Variants in BIRC6 observed in about 807,000 individuals in gnomAD.
BIRC6 encodes the protein baculoviral IAP repeat containing 6.
A neutral mutation model predicts 503.3 loss-of-function variants in BIRC6; 98 were observed. The ratio of observed to expected loss-of-function variants is 0.19; its 90% CI spans 0.17 to 0.23. BIRC6 has a LOEUF of 0.23. Among genes scored for constraint, BIRC6 ranks in the 10% least tolerant of loss-of-function variants. The probability of loss-of-function intolerance (pLI) is 1.00; values close to 1 mark genes in which losing one functional copy is unlikely to be tolerated. For synonymous variants in BIRC6, 2,240 were observed against 2,078.7 expected, an observed-to-expected ratio of 1.08 and a Z score of -2.11; for missense variants, 5,360 against 5,806.0, an observed-to-expected ratio of 0.92 and a Z score of 2.50.
intron 10 of BIRC6, among the ~76,000 whole-genome samples, chr2:32,418,360 C>A (rs1405880814): frequency 6.6e-6 from 1 of 152,086 alleles, no homozygotes; most frequent in Non-Finnish European, 1.5e-5. Context: ...TTATTGTCTC[C>A]GTTTTGTACA....
intron 22 of BIRC6, among the ~76,000 whole-genome samples, chr2:32,452,289 CT>C (rs2046810286): frequency 2.0e-5 from 3 of 152,156 alleles, no homozygotes; most frequent in Admixed American, 6.5e-5. Context: ...AACATTGTCA[CT>C]TTTTTCATTA....
At chr2:32,596,226 G>A (rs921868667) in intron 68 of BIRC6, among the ~76,000 whole-genome samples, 2 of 152,076 alleles carry the variant, frequency 1.3e-5, no homozygotes, top group African/African-American at 2.4e-5. Context: ...GCTCACGCCT[G>A]TAATCCAGCA....
chr2:32,588,146 G>A (rs377001763), intron 66 of BIRC6, among the ~76,000 whole-genome samples: 4 of 152,158 alleles, frequency 2.6e-5, no homozygotes, highest in Admixed American at 1.3e-4. Flanking sequence ...ATGAGGTCAG[G>A]AGTTCAAGAC....
In BIRC6 at chr2:32,618,298, T is replaced by TTAA. The variant is rs1487039416; in HGVS notation, c.*395_*397dup. ...TATTGGTCATTCTTACAACTACTAT[T>TTAA]TAAAGTCAGCAACTTTTCACTGAAT... is the stretch of plus-strand genomic sequence containing the variant. On this transcript the variant is annotated 3_prime_UTR_variant, in exon 74 of 74. Transcript: ENST00000421745. 4 of 153,850 alleles carry TTAA rather than the reference T, an allele frequency of 2.6e-5. No homozygotes were observed. Among genetic ancestry groups the TTAA allele is most frequent in the African/African-American group, 7.2e-5 (3 of 41,474 alleles). 9.5% of individuals were successfully genotyped at this position (153,850 alleles called of 1,614,324 possible). A position where few individuals can be genotyped will look rare whatever the true frequency, so the allele number is the denominator to read the frequency against.
intron 44 of BIRC6, 80 bp downstream of exon 44, chr2:32,491,638 ATTGC>A: frequency 7.1e-7 from 1 of 1,416,166 alleles, no homozygotes; most frequent in South Asian, 1.4e-5. Flanking sequence ...TAACTTTTTT[ATTGC>A]TAAAGTATTA....
rs1018602049 is a variant in BIRC6 at position 32,371,432 on chromosome 2, C to T, written c.326-6156C>T. Among the ~76,000 whole-genome samples, 9 of 151,224 alleles carry T rather than the reference C, an allele frequency of 6.0e-5. 1 individual carries two copies. The highest frequency in any genetic ancestry group is 2.1e-4 in the South Asian group (1 of 4,766). ...CTCTGTTGCCCAGGCTGGAGAGCAG[C>T]GGTGCAATCTCAGCTCACTGCAACC... On this transcript the variant is annotated intron_variant, in intron 1 of 73. Coordinates refer to ENST00000421745, the MANE Select transcript of BIRC6 (RefSeq NM_016252.4).
intron 1 of BIRC6, among the ~76,000 whole-genome samples, chr2:32,370,404 A>G (rs2035760496): frequency 6.6e-6 from 1 of 152,264 alleles, no homozygotes; most frequent in African/African-American, 2.4e-5. Context: ...TATCTTTTGG[A>G]GAACCTCTTC....
intron 23 of BIRC6, among the ~76,000 whole-genome samples, chr2:32,460,257 TATATATATATATATA>T (rs1172190842): frequency 3.3e-5 from 1 of 30,110 alleles, no homozygotes; most frequent in Non-Finnish European, 6.7e-5. Flanking sequence ...TATATATATA[TATATATATATATATA>T]TTTTTTTTTT....
In BIRC6 at chr2:32,442,188, C is replaced by T. The variant is rs1254078663; in HGVS notation, c.4068C>T (p.Leu1356=). 14 of 1,609,116 alleles carry T rather than the reference C, an allele frequency of 8.7e-6. No homozygotes were observed. The Middle Eastern group carries it at 6.6e-4, about 76-fold the overall frequency. Residue 1356 remains leucine (L), a synonymous_variant, in exon 18 of 74, where the codon CTC becomes CTT. Coordinates refer to ENST00000421745, the MANE Select transcript of BIRC6 (RefSeq NM_016252.4). ...EHAQSLVLDT[L]CWLAGVHSNG... is the part of the protein sequence containing the mutation. The stretch of plus-strand genomic sequence containing the variant: ...CCCAGAGCCTTGTGTTGGATACTCT[C>T]TGTTGGTTAGCTGGAGTTCATTCAA...
chr2:32,583,228 T>C (rs920595659), intron 66 of BIRC6, among the ~76,000 whole-genome samples: 8 of 152,236 alleles, frequency 5.3e-5, no homozygotes, highest in Non-Finnish European at 1.0e-4. Context: ...AGTCTGTGTT[T>C]TGAAAGTTGA....
intron 66 of BIRC6, among the ~76,000 whole-genome samples, chr2:32,583,019 C>A (rs1375815465): frequency 6.6e-6 from 1 of 152,124 alleles, no homozygotes; most frequent in African/African-American, 2.4e-5. Context: ...TCAATTACAC[C>A]TTAATACTAA....
intron 39 of BIRC6, among the ~76,000 whole-genome samples, chr2:32,484,897 T>C (rs1327661027): frequency 6.6e-6 from 1 of 152,144 alleles, no homozygotes; most frequent in Non-Finnish European, 1.5e-5. Flanking sequence ...ATATTCACAA[T>C]GTTGTCATCT....
intron 69 of BIRC6, among the ~76,000 whole-genome samples, chr2:32,599,262 G>A (rs1038206069): frequency 3.3e-5 from 5 of 151,098 alleles, no homozygotes; most frequent in African/African-American, 1.2e-4. Flanking sequence ...CCAGGAAGTG[G>A]AGGTTGCAAT....
chr2:32,557,133 C>T (rs2058841812), intron 65 of BIRC6: 1 of 152,092 alleles, frequency 6.6e-6, no homozygotes, highest in Non-Finnish European at 1.5e-5. Flanking sequence ...TGCTTAACTA[C>T]CAAAAGTCAC....
intron 13 of BIRC6, among the ~76,000 whole-genome samples, chr2:32,434,979 T>G (rs77838670): frequency 0.014 from 2,203 of 152,326 alleles, 53 homozygotes; most frequent in African/African-American, 0.048. Context: ...TTATGCCATT[T>G]TATATAAGGG....
chr2:32,433,460 T>G (rs993808365), intron 12 of BIRC6, among the ~76,000 whole-genome samples, 184 bp from the exon 13 acceptor site: 2 of 152,056 alleles, frequency 1.3e-5, no homozygotes, highest in African/African-American at 4.8e-5. Flanking sequence ...AAAGTAAGAT[T>G]ATTCATTGCC....
chr2:32,439,175 T>TTGTGTGTGTGTGTGCG (rs1237687102), intron 15 of BIRC6, among the ~76,000 whole-genome samples: 1 of 151,398 alleles, frequency 6.6e-6, no homozygotes, highest in Admixed American at 6.6e-5. Context: ...AATGACAGTT[T>TTGTGTGTGTGTGTGCG]TGTGTGTGTG....
chr2:32,496,850 A>G (rs1015813824), intron 45 of BIRC6, among the ~76,000 whole-genome samples: 3 of 152,152 alleles, frequency 2.0e-5, no homozygotes, highest in South Asian at 2.1e-4. Flanking sequence ...TTTCTTATGC[A>G]TATGTCTCAT....
chr2:32,425,867 C>G (rs2043432348), intron 10 of BIRC6, among the ~76,000 whole-genome samples: 1 of 152,228 alleles, frequency 6.6e-6, no homozygotes, highest in African/African-American at 2.4e-5. Flanking sequence ...GAAGGTCCCT[C>G]CTGTCCGCCC....
Sources: allele counts gnomAD v4.1 joint callset (sites outside exome capture counted in the v4.1 genomes callset), GRCh38; gene constraint gnomAD v4.1.1; transcripts MANE v1.5; gene names NCBI Gene and HGNC (gene_info 2026-07-23, HGNC 2026-07-21).